FSTL5: variants seen among roughly 807,000 people sequenced by gnomAD.
FSTL5 encodes the protein follistatin like 5.
Under a neutral mutation model 89.1 loss-of-function variants are expected in FSTL5, and 62 were observed. The ratio of observed to expected loss-of-function variants is 0.70; its 90% confidence interval spans 0.57 to 0.86. The LOEUF (loss-of-function observed/expected upper bound fraction) is 0.86, where lower values mean the gene tolerates loss of function less well. FSTL5 is among the 40% of genes least tolerant of loss of function. The pLI is 0.00. For synonymous variants in FSTL5, 383 were observed against 346.2 expected, an observed-to-expected ratio of 1.11 and a Z score of -1.18; for missense variants, 1,057 against 1,001.6, an observed-to-expected ratio of 1.06 and a Z score of -0.75.
At chr4:162,128,047 C>A (rs1022257221) in intron 1 of FSTL5, among the ~76,000 whole-genome samples, 1 of 151,954 alleles carries the variant, frequency 6.6e-6, no homozygotes, top group Admixed American at 6.6e-5. Context: ...AACATAAATC[C>A]AATTCATGAA....
intron 2 of FSTL5, among the ~76,000 whole-genome samples, chr4:162,108,995 C>T (rs1731335276): frequency 6.6e-6 from 1 of 151,958 alleles, no homozygotes; most frequent in Non-Finnish European, 1.5e-5. Flanking sequence ...TATGTCTTGA[C>T]AAATGGTGTC....
rs1239191108 is a variant in FSTL5 at position 161,529,401 on chromosome 4, G to T, written c.1312+8765C>A. Reference sequence around the variant, plus strand: ...GAAATGACATTGGCCAAATTGAGAAGCATGAATATTGGAATTTATTATAAA... The same window carrying T: ...GAAATGACATTGGCCAAATTGAGAATCATGAATATTGGAATTTATTATAAA... On this transcript the variant is annotated intron_variant, in intron 10 of 15. Transcript: ENST00000306100. Among the ~76,000 whole-genome samples, 2 of 142,176 alleles carry T rather than the reference G, an allele frequency of 1.4e-5. 1 individual carries two copies. The highest frequency in any genetic ancestry group is 5.0e-5 in the African/African-American group (2 of 39,848). The allele number at this position is 142,176 out of a possible 152,430, so 93.3% of individuals were successfully genotyped here.
intron 13 of FSTL5, among the ~76,000 whole-genome samples, chr4:161,479,965 T>C (rs1729439216): frequency 6.6e-6 from 1 of 152,170 alleles, no homozygotes; most frequent in Admixed American, 6.6e-5. Flanking sequence ...GATGGATGGA[T>C]GGATGAATGA....
chr4:161,971,155 C>G (rs547916099), intron 3 of FSTL5, among the ~76,000 whole-genome samples: 1 of 152,100 alleles, frequency 6.6e-6, no homozygotes, highest in East Asian at 1.9e-4. Context: ...TATAAAATGA[C>G]AGATTGAAGA....
intron 15 of FSTL5, among the ~76,000 whole-genome samples, chr4:161,450,335 A>C (rs1204538747): frequency 6.6e-5 from 10 of 152,214 alleles, no homozygotes; most frequent in Admixed American, 6.5e-4. Context: ...TAAGAAACTG[A>C]TATTTAAATT....
rs371618229 is a variant in FSTL5 at position 161,909,833 on chromosome 4, C to T, written c.409+10571G>A. Among the ~76,000 whole-genome samples the T allele has an allele frequency of 2.4e-4, 36 of 152,126 alleles. No homozygotes were observed. The South Asian group carries it at 5.4e-3, about 23-fold the overall frequency. Reference sequence around the variant, plus strand: ...CCTGCACTTGCCCTGTTCCTCTTGCCGGATAATTTTTCCTTCTATGTTTCC... The same window carrying T: ...CCTGCACTTGCCCTGTTCCTCTTGCTGGATAATTTTTCCTTCTATGTTTCC... On this transcript the variant is annotated intron_variant, in intron 4 of 15. Coordinates refer to ENST00000306100, the MANE Select transcript of FSTL5 (RefSeq NM_020116.5).
chr4:161,569,982 A>G (rs1425226672), intron 8 of FSTL5, among the ~76,000 whole-genome samples: 1 of 152,190 alleles, frequency 6.6e-6, no homozygotes, highest in Non-Finnish European at 1.5e-5. Flanking sequence ...TTCCAGAACC[A>G]GGAGCTAATG....
chr4:161,854,765 A>C (rs1731669398), intron 4 of FSTL5, among the ~76,000 whole-genome samples: 2 of 152,148 alleles, frequency 1.3e-5, no homozygotes, highest in African/African-American at 4.8e-5. Flanking sequence ...TATGATACAC[A>C]AAATTCAGTA....
chr4:161,568,057 T>C (rs529622375), intron 8 of FSTL5, among the ~76,000 whole-genome samples: 1 of 151,628 alleles, frequency 6.6e-6, no homozygotes, highest in African/African-American at 2.4e-5. Flanking sequence ...CAGTGTTGGC[T>C]CTGTCTCCGT....
chr4:161,966,908 T>A (rs1348395252), intron 3 of FSTL5, among the ~76,000 whole-genome samples: 3 of 152,030 alleles, frequency 2.0e-5, no homozygotes, highest in Non-Finnish European at 4.4e-5. Flanking sequence ...AATCATGCTT[T>A]AGTTAACTCG....
chr4:162,001,106 A>G (rs758506868), intron 3 of FSTL5, among the ~76,000 whole-genome samples: 3 of 152,220 alleles, frequency 2.0e-5, no homozygotes, highest in Non-Finnish European at 2.9e-5. Flanking sequence ...CACAATGACA[A>G]GAAGAAGCCC....
intron 8 of FSTL5, among the ~76,000 whole-genome samples, chr4:161,544,837 T>C (rs780049649): frequency 5.9e-5 from 9 of 152,014 alleles, no homozygotes; most frequent in Non-Finnish European, 5.9e-5. Flanking sequence ...ATACTACTAA[T>C]GTTACCTTTC....
chr4:161,581,369 GGGA>G (rs2126599786), intron 8 of FSTL5, among the ~76,000 whole-genome samples: 1 of 152,316 alleles, frequency 6.6e-6, no homozygotes, highest in Admixed American at 6.5e-5. Flanking sequence ...AACTCACAGT[GGGA>G]GGAGAAGAGA....
chr4:161,742,402 G>C (rs1740059171), intron 6 of FSTL5, among the ~76,000 whole-genome samples: 1 of 152,186 alleles, frequency 6.6e-6, no homozygotes, highest in Admixed American at 6.5e-5. Context: ...GACAGAGAGA[G>C]GGGACCAGTT....
At chr4:161,680,094 G>A (rs559473570) in intron 6 of FSTL5, among the ~76,000 whole-genome samples, 10 of 151,728 alleles carry the variant, frequency 6.6e-5, no homozygotes, top group Admixed American at 1.3e-4. Context: ...CAAGATAATT[G>A]AAAGATACAA....
intron 4 of FSTL5, among the ~76,000 whole-genome samples, chr4:161,906,155 C>T (rs1733515883): frequency 6.6e-6 from 1 of 150,844 alleles, no homozygotes; most frequent in Non-Finnish European, 1.5e-5. Flanking sequence ...GGTAGCACAC[C>T]TAAGTCTCCC....
chr4:161,914,187 T>A (rs1317204213), intron 4 of FSTL5, among the ~76,000 whole-genome samples: 1 of 152,194 alleles, frequency 6.6e-6, no homozygotes, highest in Non-Finnish European at 1.5e-5. Context: ...TTTATGTCAC[T>A]TTTGACTATT....
At chr4:161,930,344 T>C (rs1021165472) in intron 3 of FSTL5, among the ~76,000 whole-genome samples, 3 of 151,866 alleles carry the variant, frequency 2.0e-5, no homozygotes, top group South Asian at 2.1e-4. Flanking sequence ...AACCCCTCTA[T>C]GGTTGAATTA....
At chr4:161,473,773 T>G (rs1247861402) in intron 13 of FSTL5, among the ~76,000 whole-genome samples, 3 of 152,276 alleles carry the variant, frequency 2.0e-5, no homozygotes, top group Admixed American at 1.3e-4. Flanking sequence ...ATTAGTATAG[T>G]TACCTCTCCG....
Sources: allele counts gnomAD v4.1 joint callset (sites outside exome capture counted in the v4.1 genomes callset), GRCh38; gene constraint gnomAD v4.1.1; transcripts MANE v1.5; gene names NCBI Gene and HGNC (gene_info 2026-07-23, HGNC 2026-07-21).